The following APPL1 variants were observed in gnomAD, a reference collection of about 807,000 sequenced individuals.
APPL1 encodes the protein adaptor protein, phosphotyrosine interacting with PH domain and leucine zipper 1.
A neutral mutation model predicts 106.8 loss-of-function variants in APPL1; 42 were observed. The ratio of observed to expected loss-of-function variants is 0.39; its 90% CI spans 0.31 to 0.51. The LOEUF (loss-of-function observed/expected upper bound fraction) is 0.51, where lower values mean the gene tolerates loss of function less well. APPL1 is among the 20% of genes least tolerant of loss of function. APPL1 has a pLI of 0.75. For synonymous variants in APPL1, 263 were observed against 281.8 expected (o/e 0.93, Z 0.67); for missense variants, 769 against 858.2 (o/e 0.90, Z 1.30).
In APPL1 at chr3:57,271,857, G is replaced by A. The variant is rs2060942625; in HGVS notation, c.*2170G>A. 1 of 152,176 alleles carries A rather than the reference G, an allele frequency of 6.6e-6. No individual in the cohort carries two copies. The highest frequency in any genetic ancestry group is 2.4e-5 in the African/African-American group (1 of 41,452). The allele number at this position is 152,176 out of a possible 1,614,324, so 9.4% of individuals were successfully genotyped here. A position where few individuals can be genotyped will look rare whatever the true frequency, so the allele number is the denominator to read the frequency against. On this transcript the variant is annotated 3_prime_UTR_variant, in exon 22 of 22. Transcript: ENST00000288266. ...CCAATGCTAAATAGAAGTTATGAGTGGGTTTAACAATTTTAGATGATTCAG... is the reference window on the plus strand; with the variant it reads ...CCAATGCTAAATAGAAGTTATGAGTAGGTTTAACAATTTTAGATGATTCAG...
intron 19 of APPL1, among the ~76,000 whole-genome samples, chr3:57,266,851 C>T (rs1183594787): frequency 6.6e-6 from 1 of 152,156 alleles, no homozygotes; most frequent in African/African-American, 2.4e-5. Context: ...AAGAGGATAT[C>T]CCTTCCCCAG....
rs1422494011 is a variant in APPL1 at position 57,240,520 on chromosome 3, C to G, written c.341C>G (p.Pro114Arg). The change falls in exon 5 of 22, where the codon CCC becomes CGC. Residue 114 changes from proline to arginine, a missense_variant. By Grantham distance (103) the Pro-to-Arg change is moderately radical (BLOSUM62 -2). Coordinates refer to ENST00000288266, the MANE Select transcript of APPL1 (RefSeq NM_012096.3). Reference sequence around the variant, plus strand: ...CAACTTGCTGATGCCATGATGTTCCCCATTACCCAGTTTAAAGAAAGAGAT... The same window carrying G: ...CAACTTGCTGATGCCATGATGTTCCGCATTACCCAGTTTAAAGAAAGAGAT... Reference protein sequence around the residue: ...STQLADAMMFPITQFKERDLK... With the variant: ...STQLADAMMFRITQFKERDLK... The G allele has an allele frequency of 3.1e-6, 5 of 1,613,690 alleles. No individual in the cohort carries two copies. In the African/African-American group the frequency reaches 6.7e-5, roughly 22 times the overall value.
At chr3:57,240,377 C>G in intron 4 of APPL1, 88 bp from the exon 5 acceptor site, 1 of 1,004,624 alleles carries the variant, frequency 1.0e-6, no homozygotes, top group Non-Finnish European at 1.5e-6. Flanking sequence ...ATATCAGAAC[C>G]ATTTTTACTA....
intron 12 of APPL1, 97 bp from the exon 13 acceptor site, chr3:57,253,585 A>G: frequency 1.1e-6 from 1 of 897,530 alleles, no homozygotes; most frequent in Non-Finnish European, 1.5e-6. Flanking sequence ...TATTACTTCT[A>G]ATGAAACATC....
rs1466444219 is a variant in APPL1 at position 57,260,753 on chromosome 3, G to A, written c.1821G>A (p.Glu607=). 1 of 1,608,670 alleles carries A rather than the reference G, an allele frequency of 6.2e-7. No homozygotes were observed. The highest frequency in any genetic ancestry group is 8.5e-7 in the Non-Finnish European group (1 of 1,176,774). The part of the protein sequence containing the change: ...SNLSSVCYIF[E]SNNEGEKICD... ...TGTCATCAGTCTGCTATATATTTGA[G>A]TCAAACAATGAGGGGGAAAAGGTAC... Residue 607 remains glutamate (E), a synonymous_variant, in exon 19 of 22, where the codon GAG becomes GAA. Transcript: ENST00000288266.
intron 8 of APPL1, among the ~76,000 whole-genome samples, chr3:57,246,615 T>G (rs1388293226): frequency 6.6e-6 from 1 of 152,158 alleles, no homozygotes; most frequent in Non-Finnish European, 1.5e-5. Flanking sequence ...AAATAATAGA[T>G]GAACTCCAAC....
At chr3:57,244,680 A>G (rs1282286422) in intron 7 of APPL1, among the ~76,000 whole-genome samples, 1 of 152,196 alleles carries the variant, frequency 6.6e-6, no homozygotes, top group African/African-American at 2.4e-5. Flanking sequence ...TACTATATTA[A>G]TGACCTTGAA....
intron 1 of APPL1, 113 bp from the exon 2 acceptor site, chr3:57,235,453 T>C (rs2060711390): frequency 1.7e-6 from 1 of 584,904 alleles, no homozygotes; most frequent in Non-Finnish European, 2.9e-6. Flanking sequence ...AGATTAAAAC[T>C]CAGAATTACT....
In APPL1 at chr3:57,272,927, G is replaced by A. The variant is rs2107617360; in HGVS notation, c.*3240G>A. ...AAATGAAATTATTAATGTTGGTTCT[G>A]AAACAGCCTCTTAGCATTCAGATTG... On this transcript the variant is annotated 3_prime_UTR_variant, in exon 22 of 22. Transcript: ENST00000288266. 1 of 152,484 alleles carries A rather than the reference G, an allele frequency of 6.6e-6. No homozygotes were observed. Among genetic ancestry groups the A allele is most frequent in the African/African-American group, 2.4e-5 (1 of 41,554 alleles). The allele number at this position is 152,484 out of a possible 1,614,324, so 9.4% of individuals were successfully genotyped here. A position where few individuals can be genotyped will look rare whatever the true frequency, so the allele number is the denominator to read the frequency against.
chr3:57,263,121 G>C (rs2060876284), intron 19 of APPL1, among the ~76,000 whole-genome samples: 1 of 152,094 alleles, frequency 6.6e-6, no homozygotes, highest in Non-Finnish European at 1.5e-5. Flanking sequence ...AAAGTGCTGG[G>C]ATTACAGGTG....
At position 57,272,039 on chromosome 3, in the gene APPL1, T is replaced by C. The variant is rs1354937883; in HGVS notation, c.*2352T>C. The C allele has an allele frequency of 1.3e-5, 2 of 152,340 alleles. No individual in the cohort carries two copies. The highest frequency in any genetic ancestry group is 3.9e-4 in the East Asian group (2 of 5,194). 9.4% of individuals were successfully genotyped at this position (152,340 alleles called of 1,614,324 possible). A position where few individuals can be genotyped will look rare whatever the true frequency, so the allele number is the denominator to read the frequency against. ...TACCCTCCTTTGAAATCCCTTCTAG[T>C]TCTGAGATGCTTTGAGGGTAACTGG... On this transcript the variant is annotated 3_prime_UTR_variant, in exon 22 of 22. Coordinates refer to ENST00000288266, the MANE Select transcript of APPL1 (RefSeq NM_012096.3).
intron 2 of APPL1, among the ~76,000 whole-genome samples, chr3:57,236,011 A>G (rs1391940038): frequency 2.0e-5 from 3 of 149,484 alleles, no homozygotes; most frequent in Non-Finnish European, 3.0e-5. Flanking sequence ...AATCATGCTT[A>G]TTACAATCTT....
At chr3:57,256,648 T>C (rs2060838004) in intron 13 of APPL1, among the ~76,000 whole-genome samples, 1 of 152,204 alleles carries the variant, frequency 6.6e-6, no homozygotes, top group African/African-American at 2.4e-5. Flanking sequence ...GTTAAAAATG[T>C]AAAGAAAACA....
chr3:57,247,360 G>A, intron 8 of APPL1, 35 bp from the exon 9 acceptor site: 1 of 1,218,400 alleles, frequency 8.2e-7, no homozygotes. Context: ...ATCTATTTTT[G>A]TATTGTTCAA....
chr3:57,230,041 A>C (rs72875886), intron 1 of APPL1, among the ~76,000 whole-genome samples: 10,940 of 152,198 alleles, frequency 0.072, 1,317 homozygotes, highest in African/African-American at 0.25. Context: ...AATGAAGTAG[A>C]CACATTGATA....
chr3:57,255,350 A>G (rs2060829321), intron 13 of APPL1, among the ~76,000 whole-genome samples: 1 of 152,200 alleles, frequency 6.6e-6, no homozygotes, highest in Non-Finnish European at 1.5e-5. Flanking sequence ...TCTAAATTGT[A>G]ATCTGCTGTT....
Position 57,270,296 on chromosome 3 carries a change from G to A in APPL1, c.*609G>A, listed in dbSNP as rs2060927559. The stretch of plus-strand genomic sequence containing the variant: ...CTGGGATTGCTCACATTTCTCTAAT[G>A]TACTGCACTTGATGCCAGTAGGAAA... On this transcript the variant is annotated 3_prime_UTR_variant, in exon 22 of 22. Transcript: ENST00000288266. 6.6e-6 allele frequency: 1 copy of A among 152,650 alleles called. No individual in the cohort carries two copies. 9.5% of individuals were successfully genotyped at this position (152,650 alleles called of 1,614,324 possible). A position where few individuals can be genotyped will look rare whatever the true frequency, so the allele number is the denominator to read the frequency against.
At chr3:57,238,206 T>G in intron 4 of APPL1, 90 bp downstream of exon 4, 1 of 933,588 alleles carries the variant, frequency 1.1e-6, no homozygotes, top group South Asian at 1.8e-5. Context: ...AAAGCTCTAT[T>G]AAAGAGATGA....
chr3:57,244,554 C>T (rs539182588), intron 7 of APPL1, among the ~76,000 whole-genome samples: 1 of 152,060 alleles, frequency 6.6e-6, no homozygotes, highest in Non-Finnish European at 1.5e-5. Context: ...AGAAAAACAG[C>T]CTTTCAGAGG....
Sources: allele counts gnomAD v4.1 joint callset (sites outside exome capture counted in the v4.1 genomes callset), GRCh38; gene constraint gnomAD v4.1.1; transcripts MANE v1.5; gene names NCBI Gene and HGNC (gene_info 2026-07-23, HGNC 2026-07-21).